The following CHM variants were observed in gnomAD, a reference collection of about 807,000 sequenced individuals.
The protein encoded by CHM is CHM Rab escort protein.
In CHM, 10 loss-of-function variants were observed where a neutral mutation model predicts 49.0. The ratio of observed to expected loss-of-function variants is 0.20; its 90% CI spans 0.13 to 0.35. CHM has a LOEUF of 0.35. Ranked by LOEUF, CHM falls within the 10% of genes least tolerant of loss-of-function variation. The pLI is 1.00. For missense variants in CHM, 455 were observed against 478.4 expected (o/e 0.95, Z 0.46); for synonymous variants, 184 against 167.5 (o/e 1.10, Z -0.76).
intron 11 of CHM, among the ~76,000 whole-genome samples, chrX:85,895,302 T>G (rs1234280806): frequency 3.4e-5 from 2 of 59,694 alleles, no homozygotes; most frequent in Non-Finnish European, 7.0e-5. Flanking sequence ...CACCTGGCTA[T>G]TTTTTTTTTT....
intron 12 of CHM, among the ~76,000 whole-genome samples, chrX:85,883,172 G>C (rs1375732830): frequency 1.8e-5 from 2 of 111,513 alleles, no homozygotes; most frequent in Admixed American, 9.6e-5. Context: ...ACATACAGCA[G>C]TCATTCACTC....
At chrX:85,924,355 G>C (rs1245405512) in intron 8 of CHM, among the ~76,000 whole-genome samples, 2 of 111,404 alleles carry the variant, frequency 1.8e-5, no homozygotes, top group Admixed American at 1.9e-4. Context: ...GGAGGCAGAA[G>C]GGAGGTGTCT....
chrX:85,953,316 G>A (rs1378433074), intron 8 of CHM, among the ~76,000 whole-genome samples: 4 of 111,299 alleles, frequency 3.6e-5, no homozygotes, highest in Non-Finnish European at 3.8e-5. Flanking sequence ...TCATGAACTG[G>A]AAGAATCAAT....
chrX:85,882,955 T>G (rs767231143), intron 12 of CHM, among the ~76,000 whole-genome samples: 1 of 111,154 alleles, frequency 9.0e-6, no homozygotes, highest in Admixed American at 9.6e-5. Flanking sequence ...TCCTCATAAT[T>G]AAAATGAAGG....
intron 2 of CHM, among the ~76,000 whole-genome samples, chrX:86,014,847 CA>C (rs1397681129): frequency 9.1e-6 from 1 of 110,373 alleles, no homozygotes; most frequent in African/African-American, 3.3e-5. Context: ...GAAGAGCAAG[CA>C]AAGAAACTGG....
At chrX:85,927,997 C>T (rs938148085) in intron 8 of CHM, among the ~76,000 whole-genome samples, 20 of 112,249 alleles carry the variant, frequency 1.8e-4, no homozygotes, top group Non-Finnish European at 3.6e-4. Flanking sequence ...CTTCTGATTA[C>T]TGCTTCAGCT....
At chrX:85,980,234 C>T (rs1214227263) in intron 3 of CHM, among the ~76,000 whole-genome samples, 1 of 110,533 alleles carries the variant, frequency 9.0e-6, no homozygotes, top group Non-Finnish European at 1.9e-5. Flanking sequence ...ATAAGGTGAC[C>T]CTCACATACA....
intron 2 of CHM, among the ~76,000 whole-genome samples, chrX:85,984,489 T>A (rs1040716742): frequency 1.8e-5 from 2 of 111,986 alleles, no homozygotes; most frequent in Admixed American, 9.4e-5. Flanking sequence ...ATGGCCAGAA[T>A]GCTCATATAT....
At chrX:86,038,886 C>G (rs1332646267) in intron 1 of CHM, among the ~76,000 whole-genome samples, 1 of 112,331 alleles carries the variant, frequency 8.9e-6, no homozygotes, top group East Asian at 2.8e-4. Flanking sequence ...AACTGCCAAC[C>G]ACAAACCCAG....
At chrX:85,897,170 A>C (rs1367034271) in intron 11 of CHM, among the ~76,000 whole-genome samples, 1 of 97,899 alleles carries the variant, frequency 1.0e-5, no homozygotes, top group African/African-American at 3.7e-5. Flanking sequence ...TATCTAATAT[A>C]TATATTATAT....
intron 8 of CHM, among the ~76,000 whole-genome samples, chrX:85,934,194 A>C (rs1603255076): frequency 3.9e-5 from 4 of 101,389 alleles, no homozygotes; most frequent in Admixed American, 3.2e-4. Flanking sequence ...GTTACGCAGG[A>C]TGGTCTCGAT....
At chrX:85,885,596 T>A (rs1925036128) in intron 12 of CHM, among the ~76,000 whole-genome samples, 1 of 111,663 alleles carries the variant, frequency 9.0e-6, no homozygotes, top group Non-Finnish European at 1.9e-5. Context: ...TTATAAACTT[T>A]GAGGTATGCG....
chrX:86,012,280 G>T (rs774394166), intron 2 of CHM, among the ~76,000 whole-genome samples: 5 of 111,577 alleles, frequency 4.5e-5, no homozygotes, highest in African/African-American at 1.3e-4. Flanking sequence ...TATATATGAG[G>T]AAAGTGAAAA....
chrX:85,941,436 T>C (rs1268472033), intron 8 of CHM, among the ~76,000 whole-genome samples: 1 of 112,020 alleles, frequency 8.9e-6, no homozygotes, highest in Non-Finnish European at 1.9e-5. Context: ...TTCCTTAACA[T>C]ACAATTTCCT....
intron 1 of CHM, among the ~76,000 whole-genome samples, chrX:86,043,452 C>T (rs1030165500): frequency 9.2e-6 from 1 of 108,849 alleles, no homozygotes; most frequent in South Asian, 4.1e-4. Flanking sequence ...GTTGCCCAGG[C>T]TGAAGTGCAG....
chrX:85,904,985 T>C (rs1351880951), intron 9 of CHM, among the ~76,000 whole-genome samples: 1 of 112,151 alleles, frequency 8.9e-6, no homozygotes, highest in African/African-American at 3.2e-5. Flanking sequence ...TTACCACAAA[T>C]GAATTAACAC....
chrX:85,896,786 G>T (rs992335792), intron 11 of CHM, among the ~76,000 whole-genome samples: 84 of 103,210 alleles, frequency 8.1e-4, no homozygotes, highest in Non-Finnish European at 3.3e-4. Context: ...CCAAAGGGCA[G>T]TTTCATGGAA....
At chrX:85,991,932 T>C (rs1372959601) in intron 2 of CHM, among the ~76,000 whole-genome samples, 1 of 111,143 alleles carries the variant, frequency 9.0e-6, no homozygotes, top group African/African-American at 3.3e-5. Flanking sequence ...ATTATCCCCG[T>C]TTTACAATTA....
chrX:85,878,845 T>C, intron 13 of CHM, 120 bp downstream of exon 13: 1 of 527,259 alleles, frequency 1.9e-6, no homozygotes, highest in Non-Finnish European at 3.3e-6. Context: ...TCAAAACATG[T>C]GAATTGTTGT....
Sources: gnomAD v4.1 joint callset for allele counts (sites outside exome capture counted in the v4.1 genomes callset) on GRCh38, gnomAD v4.1.1 for gene constraint, MANE v1.5 for transcripts, NCBI Gene and HGNC (gene_info 2026-07-23, HGNC 2026-07-21) for gene names.